Variants in AUTS2 observed in about 807,000 individuals in gnomAD.
AUTS2 encodes the protein activator of transcription and developmental regulator AUTS2, also known as autism susceptibility gene 2 protein.
Under a neutral mutation model 112.4 loss-of-function variants are expected in AUTS2, and 17 were observed. The ratio of observed to expected loss-of-function variants is 0.15; its 90% confidence interval spans 0.10 to 0.23. AUTS2 has a LOEUF of 0.23. Ranked by LOEUF, AUTS2 falls within the 10% of genes least tolerant of loss-of-function variation. AUTS2 has a pLI of 1.00. For missense variants in AUTS2, 1,510 were observed against 1,701.6 expected (o/e 0.89, Z 1.98); for synonymous variants, 751 against 702.7 (o/e 1.07, Z -1.09).
At chr7:70,603,134 A>G (rs919503641) in intron 5 of AUTS2, among the ~76,000 whole-genome samples, 3 of 152,244 alleles carry the variant, frequency 2.0e-5, no homozygotes, top group Non-Finnish European at 2.9e-5. Context: ...AACAAAGTAT[A>G]TAAATGCCCT....
intron 5 of AUTS2, among the ~76,000 whole-genome samples, chr7:70,443,402 C>T (rs1796197958): frequency 6.6e-6 from 1 of 152,142 alleles, no homozygotes; most frequent in Admixed American, 6.5e-5. Context: ...GAAAATGAGG[C>T]AGTATTCAAT....
intron 4 of AUTS2, among the ~76,000 whole-genome samples, chr7:70,182,292 CCT>C (rs1219437555): frequency 1.3e-5 from 2 of 152,178 alleles, no homozygotes; most frequent in Non-Finnish European, 2.9e-5. Flanking sequence ...CCCTTTCATG[CCT>C]CTCAGTGATA....
chr7:70,657,870 TG>T (rs1162718987), intron 5 of AUTS2, among the ~76,000 whole-genome samples: 1 of 152,150 alleles, frequency 6.6e-6, no homozygotes, highest in East Asian at 1.9e-4. Flanking sequence ...TTGATCCCCT[TG>T]GGGGCCCTTG....
chr7:70,324,776 T>C (rs1790410690), intron 4 of AUTS2, among the ~76,000 whole-genome samples: 3 of 152,342 alleles, frequency 2.0e-5, no homozygotes, highest in South Asian at 4.1e-4. Context: ...AAGATGTTAT[T>C]GAGGAAAAGT....
chr7:69,926,916 A>C (rs1646812680), intron 2 of AUTS2, among the ~76,000 whole-genome samples: 1 of 146,842 alleles, frequency 6.8e-6, no homozygotes, highest in African/African-American at 2.5e-5. Flanking sequence ...TATAATATAT[A>C]GTATATATCT....
chr7:70,530,737 C>T (rs1800050198), intron 5 of AUTS2, among the ~76,000 whole-genome samples: 1 of 152,074 alleles, frequency 6.6e-6, no homozygotes, highest in Non-Finnish European at 1.5e-5. Flanking sequence ...GGGGATGTTT[C>T]TGGGTTTAGT....
At chr7:69,619,473 T>A (rs1377404913) in intron 1 of AUTS2, among the ~76,000 whole-genome samples, 1 of 152,196 alleles carries the variant, frequency 6.6e-6, no homozygotes, top group Non-Finnish European at 1.5e-5. Context: ...GGGATGGTAG[T>A]TGAGGGCCTT....
chr7:70,025,267 A>C (rs932048755), intron 2 of AUTS2, among the ~76,000 whole-genome samples: 2 of 152,126 alleles, frequency 1.3e-5, no homozygotes, highest in Non-Finnish European at 2.9e-5. Context: ...TGAGGCTTAA[A>C]GAGCTGCTAG....
At chr7:69,803,668 C>T (rs992623215) in intron 1 of AUTS2, among the ~76,000 whole-genome samples, 2 of 152,166 alleles carry the variant, frequency 1.3e-5, no homozygotes, top group Non-Finnish European at 2.9e-5. Flanking sequence ...CACCTGTTCC[C>T]GGGGAGGCCT....
intron 4 of AUTS2, among the ~76,000 whole-genome samples, chr7:70,178,692 C>T (rs1809135801): frequency 6.6e-6 from 1 of 151,982 alleles, no homozygotes; most frequent in Admixed American, 6.6e-5. Context: ...TTCAGCTGTT[C>T]AGGAGGCTGA....
intron 1 of AUTS2, among the ~76,000 whole-genome samples, chr7:69,850,845 A>T (rs969930819): frequency 1.3e-5 from 2 of 152,138 alleles, no homozygotes; most frequent in Non-Finnish European, 2.9e-5. Context: ...AAGGTTTTTA[A>T]TTTTGGTGAG....
chr7:70,577,410 C>G (rs57441877), intron 5 of AUTS2, among the ~76,000 whole-genome samples: 21,927 of 152,208 alleles, frequency 0.14, 1,862 homozygotes, highest in Non-Finnish European at 0.18. Context: ...AATCCTCCCC[C>G]CTCCCTGTTA....
Position 69,769,530 on chromosome 7 carries a change from C to T in AUTS2, c.310-129756C>T, listed in dbSNP as rs568090902. On this transcript the variant is annotated intron_variant, in intron 1 of 18. Transcript: ENST00000342771. Reference sequence around the variant, plus strand: ...TGGAAATGCACCATTCTGCATTTAGCTGGAAATAGCTAGCTATCCAACTTG... The same window carrying T: ...TGGAAATGCACCATTCTGCATTTAGTTGGAAATAGCTAGCTATCCAACTTG... Among the ~76,000 whole-genome samples, 7 of 152,312 alleles carry T rather than the reference C, an allele frequency of 4.6e-5. No individual in the cohort carries two copies. The East Asian group carries it at 1.3e-3, about 29-fold the overall frequency.
chr7:70,166,405 G>T (rs1421244040), intron 4 of AUTS2, among the ~76,000 whole-genome samples: 1 of 152,100 alleles, frequency 6.6e-6, no homozygotes, highest in Non-Finnish European at 1.5e-5. Flanking sequence ...ATATTATGGG[G>T]TTTATAACAT....
intron 4 of AUTS2, among the ~76,000 whole-genome samples, chr7:70,161,765 T>C (rs1808086548): frequency 6.6e-6 from 1 of 151,972 alleles, no homozygotes; most frequent in Non-Finnish European, 1.5e-5. Context: ...TCCCTTTATT[T>C]ATAGCCCAGC....
chr7:70,679,205 T>G (rs562791180), intron 5 of AUTS2, among the ~76,000 whole-genome samples: 2 of 151,824 alleles, frequency 1.3e-5, no homozygotes, highest in African/African-American at 2.4e-5. Flanking sequence ...AATACACACT[T>G]AGGCAAAACT....
intron 1 of AUTS2, among the ~76,000 whole-genome samples, chr7:69,838,613 G>C (rs752980056): frequency 3.9e-5 from 6 of 152,104 alleles, no homozygotes; most frequent in Non-Finnish European, 8.8e-5. Flanking sequence ...GAATAGTCCA[G>C]GACCCAAATC....
At chr7:70,278,400 T>C (rs1053638030) in intron 4 of AUTS2, among the ~76,000 whole-genome samples, 2 of 152,010 alleles carry the variant, frequency 1.3e-5, no homozygotes, top group African/African-American at 2.4e-5. Flanking sequence ...CTGGGCAACA[T>C]AGTAAAACTT....
chr7:69,670,858 C>T (rs1796288187), intron 1 of AUTS2, among the ~76,000 whole-genome samples: 1 of 151,924 alleles, frequency 6.6e-6, no homozygotes, highest in Admixed American at 6.6e-5. Context: ...CTGATCGAGA[C>T]CCTGTCTCAA....
Sources: gnomAD v4.1 joint callset for allele counts (sites outside exome capture counted in the v4.1 genomes callset) on GRCh38, gnomAD v4.1.1 for gene constraint, MANE v1.5 for transcripts, NCBI Gene and HGNC (gene_info 2026-07-23, HGNC 2026-07-21) for gene names.